RALYL: variants seen among roughly 807,000 people sequenced by gnomAD.
RALYL encodes RNA-binding Raly-like protein.
In RALYL, 29 loss-of-function variants were observed where a neutral mutation model predicts 35.1. That is an observed-to-expected ratio of 0.83 (90% confidence interval 0.61 to 1.13). The LOEUF (loss-of-function observed/expected upper bound fraction) is 1.13, where lower values mean the gene tolerates loss of function less well. Among genes scored for constraint, RALYL ranks in the 50% most tolerant of loss-of-function variants. RALYL has a pLI of 0.00. For synonymous variants in RALYL, 120 were observed against 127.6 expected (o/e 0.94, Z 0.40); for missense variants, 359 against 360.4 (o/e 1.00, Z 0.03).
chr8:84,308,736 G>T (rs2129700943), intron 1 of RALYL, among the ~76,000 whole-genome samples: 1 of 152,122 alleles, frequency 6.6e-6, no homozygotes, highest in East Asian at 1.9e-4. Flanking sequence ...TGTACTGTCA[G>T]AACTAAGACA....
At chr8:84,754,633 A>T (rs1380341276) in intron 2 of RALYL, among the ~76,000 whole-genome samples, 1 of 152,202 alleles carries the variant, frequency 6.6e-6, no homozygotes, top group Non-Finnish European at 1.5e-5. Context: ...GTTGGGTACC[A>T]TTCTCTCCTT....
At chr8:84,679,683 T>A (rs2131950577) in intron 2 of RALYL, 1 of 506,984 alleles carries the variant, frequency 2.0e-6, no homozygotes, top group East Asian at 5.7e-5. Context: ...ATGTGAGAAC[T>A]AATTCATCAG....
At chr8:84,367,853 G>A (rs569970159) in intron 1 of RALYL, among the ~76,000 whole-genome samples, 1 of 152,022 alleles carries the variant, frequency 6.6e-6, no homozygotes, top group Non-Finnish European at 1.5e-5. Flanking sequence ...ACAGTGGACT[G>A]GAATTTTAAA....
At chr8:84,407,020 A>G (rs317949) in intron 1 of RALYL, among the ~76,000 whole-genome samples, 1 of 136,356 alleles carries the variant, frequency 7.3e-6, no homozygotes, top group Non-Finnish European at 1.6e-5. Context: ...CTCTCTCTCT[A>G]TATATATATA....
chr8:84,725,443 A>G (rs1002032123), intron 2 of RALYL, among the ~76,000 whole-genome samples: 1 of 151,798 alleles, frequency 6.6e-6, no homozygotes, highest in Non-Finnish European at 1.5e-5. Context: ...AACTTTGATA[A>G]TATTGGGATG....
chr8:84,853,937 C>T (rs1351550936), intron 5 of RALYL, among the ~76,000 whole-genome samples: 1 of 152,084 alleles, frequency 6.6e-6, no homozygotes, highest in Non-Finnish European at 1.5e-5. Context: ...GAAATTAATT[C>T]CTAACTCATG....
At chr8:84,821,378 T>G (rs901009454) in intron 4 of RALYL, among the ~76,000 whole-genome samples, 1 of 152,200 alleles carries the variant, frequency 6.6e-6, no homozygotes, top group African/African-American at 2.4e-5. Context: ...GAGTCCAGTC[T>G]GGGACTTTTG....
At chr8:84,324,662 T>A (rs770565939) in intron 1 of RALYL, among the ~76,000 whole-genome samples, 1 of 152,042 alleles carries the variant, frequency 6.6e-6, no homozygotes, top group Non-Finnish European at 1.5e-5. Context: ...GAGTGATGCT[T>A]TTGTTTTACA....
chr8:84,317,948 T>C (rs1196411106), intron 1 of RALYL, among the ~76,000 whole-genome samples: 1 of 152,212 alleles, frequency 6.6e-6, no homozygotes, highest in East Asian at 1.9e-4. Flanking sequence ...AGTTTTTATG[T>C]CTATCACCAA....
chr8:84,305,209 T>G (rs1340500281), intron 1 of RALYL, among the ~76,000 whole-genome samples: 2 of 152,208 alleles, frequency 1.3e-5, no homozygotes, highest in African/African-American at 4.8e-5. Flanking sequence ...TGTGCTCATG[T>G]GAAAATTGAA....
At chr8:84,741,786 C>T (rs1466765312) in intron 2 of RALYL, among the ~76,000 whole-genome samples, 1 of 151,894 alleles carries the variant, frequency 6.6e-6, no homozygotes, top group Non-Finnish European at 1.5e-5. Context: ...AGTGTATAAA[C>T]CTTTTATTGT....
chr8:84,481,919 C>G (rs2054086177), intron 1 of RALYL, among the ~76,000 whole-genome samples: 1 of 151,940 alleles, frequency 6.6e-6, no homozygotes, highest in African/African-American at 2.4e-5. Context: ...TATCAACTCT[C>G]ATAAAATTGA....
intron 8 of RALYL, among the ~76,000 whole-genome samples, chr8:84,897,932 C>A: frequency 6.6e-6 from 1 of 152,198 alleles, no homozygotes; most frequent in Non-Finnish European, 1.5e-5. Context: ...GTCATACAAT[C>A]GGGTGTAGGA....
intron 3 of RALYL, among the ~76,000 whole-genome samples, chr8:84,787,299 G>A (rs537486820): frequency 6.6e-6 from 1 of 151,958 alleles, no homozygotes. Flanking sequence ...TGAGAATGAT[G>A]GTTTCCAGCT....
chr8:84,218,612 A>T (rs1821414460), intron 1 of RALYL, among the ~76,000 whole-genome samples: 1 of 152,062 alleles, frequency 6.6e-6, no homozygotes, highest in South Asian at 2.1e-4. Context: ...TCAGAACTCC[A>T]GTGAGGTTTC....
At chr8:84,311,053 CAAAAA>C (rs34029529) in intron 1 of RALYL, among the ~76,000 whole-genome samples, 20 of 9,520 alleles carry the variant, frequency 2.1e-3, no homozygotes, top group African/African-American at 6.7e-3. Flanking sequence ...GACTCCGTCT[CAAAAA>C]AAAAAAAAAA....
intron 1 of RALYL, among the ~76,000 whole-genome samples, chr8:84,197,947 C>T (rs1375233288): frequency 6.6e-6 from 1 of 152,060 alleles, no homozygotes; most frequent in Admixed American, 6.6e-5. Context: ...TTTCCAGTAC[C>T]TAGACAGTAC....
At chr8:84,317,625 A>G (rs1006009549) in intron 1 of RALYL, among the ~76,000 whole-genome samples, 1 of 152,202 alleles carries the variant, frequency 6.6e-6, no homozygotes, top group African/African-American at 2.4e-5. Context: ...TAGCTTAGTT[A>G]AGCACATGGC....
At chr8:84,366,319 G>A (rs1212189240) in intron 1 of RALYL, among the ~76,000 whole-genome samples, 1 of 152,154 alleles carries the variant, frequency 6.6e-6, no homozygotes, top group Non-Finnish European at 1.5e-5. Context: ...TTTTAAATGT[G>A]CAAAACAAAG....
Sources: allele counts gnomAD v4.1 joint callset (sites outside exome capture counted in the v4.1 genomes callset), GRCh38; gene constraint gnomAD v4.1.1; transcripts MANE v1.5; gene names NCBI Gene and HGNC (gene_info 2026-07-23, HGNC 2026-07-21).